Variants in HMGCLL1 observed in about 807,000 individuals in gnomAD.
HMGCLL1 encodes the protein 3-hydroxymethyl-3-methylglutaryl-CoA lyase, cytoplasmic.
Under a neutral mutation model 39.1 loss-of-function variants are expected in HMGCLL1, and 36 were observed. The observed-to-expected ratio is 0.92, with a 90% confidence interval of 0.71 to 1.22. The LOEUF (loss-of-function observed/expected upper bound fraction) is 1.22, where lower values mean the gene tolerates loss of function less well. HMGCLL1 is among the 50% of genes most tolerant of loss of function. The pLI is 0.00. For synonymous variants in HMGCLL1, 149 were observed against 144.0 expected, an observed-to-expected ratio of 1.03 and a Z score of -0.25; for missense variants, 451 against 416.5, an observed-to-expected ratio of 1.08 and a Z score of -0.72.
intron 1 of HMGCLL1, among the ~76,000 whole-genome samples, chr6:55,548,103 A>G (rs1019462213): frequency 6.6e-6 from 1 of 152,072 alleles, no homozygotes; most frequent in Non-Finnish European, 1.5e-5. Flanking sequence ...ATGTACTATT[A>G]TGTCATCTAA....
At chr6:55,557,521 G>A (rs557494543) in intron 1 of HMGCLL1, among the ~76,000 whole-genome samples, 3 of 152,138 alleles carry the variant, frequency 2.0e-5, no homozygotes, top group Admixed American at 2.0e-4. Context: ...ATTAAAACTT[G>A]TATTTTGTTT....
the HMGCLL1 span, among the ~76,000 whole-genome samples, chr6:55,607,830 T>G: frequency 0.045 from 6,902 of 152,170 alleles, 334 homozygotes; most frequent in East Asian, 0.24. Flanking sequence ...AGAGACAAGG[T>G]TCTTTGAAAC....
chr6:55,572,272 T>A (rs751629796), intron 1 of HMGCLL1, among the ~76,000 whole-genome samples: 1 of 152,056 alleles, frequency 6.6e-6, no homozygotes, highest in African/African-American at 2.4e-5. Context: ...AGAAAATACT[T>A]TTACCAACTT....
chr6:55,467,699 T>A (rs1053160345), intron 7 of HMGCLL1, among the ~76,000 whole-genome samples: 5 of 152,068 alleles, frequency 3.3e-5, no homozygotes, highest in Admixed American at 6.6e-5. Flanking sequence ...AATGGAGTGT[T>A]TCTGTTGAAA....
the HMGCLL1 span, among the ~76,000 whole-genome samples, chr6:55,610,226 C>A: frequency 6.6e-5 from 10 of 152,110 alleles, no homozygotes; most frequent in African/African-American, 2.4e-4. Context: ...TGAGTAATAA[C>A]AAACTTTGCT....
chr6:55,516,620 T>A lies in HMGCLL1; in HGVS notation c.298-17A>T. On this transcript the variant is annotated splice_polypyrimidine_tract_variant and intron_variant, in intron 3 of 8. Transcript: ENST00000274901. ...ATCAGCCATCTTAAATACATAATAGTTATATGTAAATGTGTAACTTCGAAT... is the reference window on the plus strand; with the variant it reads ...ATCAGCCATCTTAAATACATAATAGATATATGTAAATGTGTAACTTCGAAT... The A allele has an allele frequency of 6.6e-7, 1 of 1,516,280 alleles. No individual in the cohort carries two copies. The highest frequency in any genetic ancestry group is 9.1e-7 in the Non-Finnish European group (1 of 1,100,574). The allele number at this position is 1,516,280 out of a possible 1,614,324, so 93.9% of individuals were successfully genotyped here.
chr6:55,579,293 C>A (rs190417860), upstream of HMGCLL1: 32 of 581,894 alleles, frequency 5.5e-5, no homozygotes, highest in East Asian at 7.7e-4. Flanking sequence ...ACAGAAATGC[C>A]GAGCACCTGA....
the HMGCLL1 span, among the ~76,000 whole-genome samples, chr6:55,611,338 A>G: frequency 6.6e-6 from 1 of 152,158 alleles, no homozygotes; most frequent in East Asian, 1.9e-4. Context: ...CCCTAACATC[A>G]CAACTAAAAG....
At chr6:55,480,100 G>C (rs1341883897) in intron 7 of HMGCLL1, among the ~76,000 whole-genome samples, 1 of 151,546 alleles carries the variant, frequency 6.6e-6, no homozygotes, top group Non-Finnish European at 1.5e-5. Context: ...CAGAGCAAAA[G>C]TGGACAAATT....
the HMGCLL1 span, among the ~76,000 whole-genome samples, chr6:55,635,929 C>A: frequency 6.6e-6 from 1 of 152,086 alleles, no homozygotes; most frequent in Non-Finnish European, 1.5e-5. Context: ...CTCTGGGAAC[C>A]CAGTCTTGTC....
At chr6:55,493,473 C>A (rs1202838936) in intron 7 of HMGCLL1, among the ~76,000 whole-genome samples, 1 of 152,100 alleles carries the variant, frequency 6.6e-6, no homozygotes, top group Non-Finnish European at 1.5e-5. Flanking sequence ...AAAAATGGCC[C>A]AGAATTTCAG....
At chr6:55,626,701 C>T in the HMGCLL1 span, among the ~76,000 whole-genome samples, 1 of 151,924 alleles carries the variant, frequency 6.6e-6, no homozygotes, top group Non-Finnish European at 1.5e-5. Context: ...GGCCTAAGTT[C>T]CAGAGACAGG....
intron 7 of HMGCLL1, among the ~76,000 whole-genome samples, chr6:55,449,680 C>T (rs538604145): frequency 7.6e-4 from 116 of 152,226 alleles, no homozygotes; most frequent in African/African-American, 2.3e-3. Flanking sequence ...GCTAATTGAA[C>T]GTTTTACGAT....
At chr6:55,509,723 A>G (rs1339493157) in intron 5 of HMGCLL1, among the ~76,000 whole-genome samples, 1 of 151,878 alleles carries the variant, frequency 6.6e-6, no homozygotes, top group Non-Finnish European at 1.5e-5. Flanking sequence ...CACAGGAAGA[A>G]TTTCCTAACA....
chr6:55,500,645 G>T (rs528643836), intron 5 of HMGCLL1, among the ~76,000 whole-genome samples: 2 of 152,010 alleles, frequency 1.3e-5, no homozygotes, highest in East Asian at 3.9e-4. Context: ...AGTAAAATTG[G>T]AAAGTTATGC....
chr6:55,578,968 CT>C lies in HMGCLL1; in HGVS notation c.87del (p.Ala31ArgfsTer20), dbSNP rs1338028179. ...REHLWIGDSVAGALDPAQETS... is the reference protein window; with the variant it reads ...REHLWIGDSVXGALDPAQETS... The stretch of plus-strand genomic sequence containing the variant: ...GGTACCTGCGCGGGGTCGAGCGCCC[CT>C]GCCACTGAATCCCCGATCCAGAGAT... On this transcript the variant is annotated frameshift_variant, in exon 1 of 9. Coordinates refer to ENST00000274901, the MANE Select transcript of HMGCLL1 (RefSeq NM_001042406.2). LOFTEE classifies it high-confidence loss of function. 1.9e-6 allele frequency: 3 copies of C among 1,613,086 alleles called. No individual in the cohort carries two copies. The highest frequency in any genetic ancestry group is 2.7e-5 in the African/African-American group (2 of 74,886).
chr6:55,619,018 G>A, the HMGCLL1 span, among the ~76,000 whole-genome samples: 1 of 152,022 alleles, frequency 6.6e-6, no homozygotes, highest in African/African-American at 2.4e-5. Context: ...AAAACAAAAG[G>A]AGGAAAAACA....
At chr6:55,533,803 G>A (rs997159235) in intron 3 of HMGCLL1, among the ~76,000 whole-genome samples, 4 of 146,472 alleles carry the variant, frequency 2.7e-5, no homozygotes, top group African/African-American at 5.0e-5. Context: ...GGAGAATGGC[G>A]TGAACCCGGG....
chr6:55,621,647 G>A, the HMGCLL1 span, among the ~76,000 whole-genome samples: 2 of 151,780 alleles, frequency 1.3e-5, no homozygotes, highest in Non-Finnish European at 2.9e-5. Context: ...TCAGTGCTCC[G>A]ACTGTTTCTA....
Sources: allele counts gnomAD v4.1 joint callset (sites outside exome capture counted in the v4.1 genomes callset), GRCh38; gene constraint gnomAD v4.1.1; transcripts MANE v1.5; gene names NCBI Gene and HGNC (gene_info 2026-07-23, HGNC 2026-07-21).